LOXHD1: variants seen among roughly 807,000 people sequenced by gnomAD.
LOXHD1 encodes the protein lipoxygenase homology domain-containing protein 1.
Under a neutral mutation model 248.2 loss-of-function variants are expected in LOXHD1, and 205 were observed. The ratio of observed to expected loss-of-function variants is 0.83; its 90% CI spans 0.74 to 0.93. The LOEUF is 0.93. Among genes scored for constraint, LOXHD1 ranks in the 40% least tolerant of loss-of-function variants. The probability of loss-of-function intolerance (pLI) is 0.00; values close to 1 mark genes in which losing one functional copy is unlikely to be tolerated. For missense variants in LOXHD1, 2,930 were observed against 2,971.6 expected, an observed-to-expected ratio of 0.99 and a Z score of 0.33; for synonymous variants, 1,113 against 1,162.8, an observed-to-expected ratio of 0.96 and a Z score of 0.87.
chr18:46,552,043 G>A (rs893215848), intron 21 of LOXHD1, among the ~76,000 whole-genome samples: 1 of 152,156 alleles, frequency 6.6e-6, no homozygotes, highest in Admixed American at 6.5e-5. Context: ...GTTACCAGGG[G>A]CTGGGAGGAG....
intron 33 of LOXHD1, chr18:46,520,744 A>C: frequency 3.8e-6 from 1 of 262,402 alleles, no homozygotes; most frequent in Non-Finnish European, 7.4e-6. Context: ...CTGTCTACAT[A>C]GAGCTGCTTA....
At chr18:46,600,988 AACCTG>A in intron 8 of LOXHD1, among the ~76,000 whole-genome samples, 1 of 152,342 alleles carries the variant, frequency 6.6e-6, no homozygotes, top group East Asian at 1.9e-4. Context: ...GCCTCTGGGT[AACCTG>A]TCCTGCTTGG....
At chr18:46,633,733 T>A (rs2038857096) in intron 4 of LOXHD1, among the ~76,000 whole-genome samples, 1 of 152,230 alleles carries the variant, frequency 6.6e-6, no homozygotes. Flanking sequence ...GAAAAGGGGT[T>A]AATACCCAGA....
chr18:46,527,940 G>C (rs1246536845), intron 29 of LOXHD1, among the ~76,000 whole-genome samples: 2 of 152,122 alleles, frequency 1.3e-5, no homozygotes, highest in Non-Finnish European at 2.9e-5. Context: ...GGGAGTGCTG[G>C]GGGGTCTGAC....
chr18:46,573,981 C>T (rs755091872), intron 14 of LOXHD1, among the ~76,000 whole-genome samples: 15 of 152,024 alleles, frequency 9.9e-5, no homozygotes, highest in African/African-American at 2.2e-4. Flanking sequence ...GAAATCAACC[C>T]GTTAACAGCC....
chr18:46,586,622 AT>A (rs33950816), intron 12 of LOXHD1, among the ~76,000 whole-genome samples: 120,518 of 151,946 alleles, frequency 0.79, 48,348 homozygotes, highest in Non-Finnish European at 0.86. Flanking sequence ...ATTTTTTTGT[AT>A]TTTTAGTAGA....
chr18:46,543,829 A>G (rs1333162265), intron 23 of LOXHD1, among the ~76,000 whole-genome samples: 1 of 152,234 alleles, frequency 6.6e-6, no homozygotes, highest in East Asian at 1.9e-4. Context: ...ATGGAGAGTC[A>G]GCCAGTGACA....
chr18:46,521,978 G>T, intron 32 of LOXHD1, 123 bp downstream of exon 32: 1 of 782,326 alleles, frequency 1.3e-6, no homozygotes. Context: ...TCTGCTACCT[G>T]CTCTAAGGGG....
intron 4 of LOXHD1, among the ~76,000 whole-genome samples, chr18:46,634,295 G>A (rs565906229): frequency 6.6e-6 from 1 of 152,300 alleles, no homozygotes; most frequent in South Asian, 2.1e-4. Flanking sequence ...TAAATCTGAA[G>A]ATATTATGCT....
Position 46,538,312 on chromosome 18 carries a change from G to A in LOXHD1, c.3939C>T (p.Tyr1313=), listed in dbSNP as rs562679090. 157 of 1,550,780 alleles carry A rather than the reference G, an allele frequency of 1.0e-4. No homozygotes were observed. Among genetic ancestry groups the A allele is most frequent in the Admixed American group, 1.8e-4 (9 of 50,994 alleles). ...TPFVPYEITL[Y]TSDVFAAGTD... is the part of the protein sequence containing the mutation. Reference sequence around the variant, plus strand: ...TCCCAGCAGCAAAGACATCACTGGTGTAGAGGGTGATCTCGTAAGGAACAA... The same window carrying A: ...TCCCAGCAGCAAAGACATCACTGGTATAGAGGGTGATCTCGTAAGGAACAA... The change falls in exon 26 of 41, where the codon TAC becomes TAT. Residue 1313 remains tyrosine, a synonymous_variant. Coordinates refer to ENST00000642948, the MANE Select transcript of LOXHD1 (RefSeq NM_001384474.1).
intron 21 of LOXHD1, among the ~76,000 whole-genome samples, chr18:46,547,455 A>C (rs761910436): frequency 3.1e-4 from 47 of 152,238 alleles, no homozygotes; most frequent in Non-Finnish European, 6.6e-4. Flanking sequence ...TGCACAATAC[A>C]TAAGTGTTGA....
At chr18:46,588,427 C>T (rs1181488238) in intron 12 of LOXHD1, among the ~76,000 whole-genome samples, 1 of 152,060 alleles carries the variant, frequency 6.6e-6, no homozygotes, top group African/African-American at 2.4e-5. Flanking sequence ...CAGAAGACAA[C>T]AAAAAAACAC....
Position 46,593,751 on chromosome 18 carries a change from C to T in LOXHD1, c.1280G>A (p.Trp427Ter). Reference protein sequence around the residue: ...LRKKRLKKFPWSLWVWTTDLK... With the variant: ...LRKKRLKKFP ...GTCGGTTGTCCAGACCCACAGGGAC[C>T]AAGGGAATTCTGTAAGACAGATCAA... Residue 427 changes from tryptophan to a stop codon, truncating the protein, a stop_gained, in exon 10 of 41, where the codon TGG (tryptophan) becomes TAG (stop). Coordinates refer to ENST00000642948, the MANE Select transcript of LOXHD1 (RefSeq NM_001384474.1). LOFTEE classifies it high-confidence loss of function. 6.4e-7 allele frequency: 1 copy of T among 1,551,766 alleles called. No homozygotes were observed. The highest frequency in any genetic ancestry group is 8.7e-7 in the Non-Finnish European group (1 of 1,147,002).
At chr18:46,508,071 G>A (rs974595889) in intron 35 of LOXHD1, among the ~76,000 whole-genome samples, 1 of 152,170 alleles carries the variant, frequency 6.6e-6, no homozygotes, top group Admixed American at 6.5e-5. Context: ...CAAACACCTG[G>A]GAGCAGAACG....
chr18:46,522,020 A>C, intron 32 of LOXHD1, 81 bp downstream of exon 32: 305 of 672,178 alleles, frequency 4.5e-4, no homozygotes, highest in East Asian at 8.8e-4. Context: ...CCCACCCTGC[A>C]CTCTCCCGCC....
At chr18:46,569,806 G>A (rs746048309) in intron 15 of LOXHD1, among the ~76,000 whole-genome samples, 168 bp from the exon 16 acceptor site, 2 of 152,216 alleles carry the variant, frequency 1.3e-5, no homozygotes, top group Non-Finnish European at 2.9e-5. Flanking sequence ...ACTTGGGGCA[G>A]GGGTTCCTTC....
chr18:46,567,481 G>C (rs953379907), intron 16 of LOXHD1, among the ~76,000 whole-genome samples: 1 of 152,242 alleles, frequency 6.6e-6, no homozygotes, highest in African/African-American at 2.4e-5. Flanking sequence ...CTGTGTGCAT[G>C]TCAAGGGACA....
Position 46,563,231 on chromosome 18 carries a change from T to C in LOXHD1, c.2438-6A>G. On this transcript the variant is annotated splice_polypyrimidine_tract_variant and splice_region_variant and intron_variant, in intron 17 of 40. Transcript: ENST00000642948. Reference sequence around the variant, plus strand: ...CTCAACCTCATAGTGGACCACTGGGTGGGCACGTGCAGAAGAAGTGGAACA... The same window carrying C: ...CTCAACCTCATAGTGGACCACTGGGCGGGCACGTGCAGAAGAAGTGGAACA... 1.3e-6 allele frequency: 2 copies of C among 1,493,998 alleles called. No homozygotes were observed. The highest frequency in any genetic ancestry group is 1.8e-6 in the Non-Finnish European group (2 of 1,104,928). The allele number at this position is 1,493,998 out of a possible 1,614,324, so 92.5% of individuals were successfully genotyped here.
At chr18:46,502,077 T>C (rs1373182507) in intron 37 of LOXHD1, among the ~76,000 whole-genome samples, 1 of 152,214 alleles carries the variant, frequency 6.6e-6, no homozygotes, top group Non-Finnish European at 1.5e-5. Flanking sequence ...GAAATAAACA[T>C]TTTAAATATT....
Sources: gnomAD v4.1 joint callset for allele counts (sites outside exome capture counted in the v4.1 genomes callset) on GRCh38, gnomAD v4.1.1 for gene constraint, MANE v1.5 for transcripts, NCBI Gene and HGNC (gene_info 2026-07-23, HGNC 2026-07-21) for gene names.